Variants in CC2D2A observed in about 807,000 individuals in gnomAD.
The protein encoded by CC2D2A is coiled-coil and C2 domain containing 2A.
Under a neutral mutation model 212.9 loss-of-function variants are expected in CC2D2A, and 155 were observed. The ratio of observed to expected loss-of-function variants is 0.73; its 90% CI spans 0.64 to 0.83. The LOEUF (loss-of-function observed/expected upper bound fraction) is 0.83, where lower values mean the gene tolerates loss of function less well. CC2D2A is among the 40% of genes least tolerant of loss of function. The pLI, the probability that CC2D2A is intolerant of heterozygous loss-of-function variation, is 0.00. For synonymous variants in CC2D2A, 667 were observed against 686.5 expected, an observed-to-expected ratio of 0.97 and a Z score of 0.44; for missense variants, 1,856 against 1,956.2, an observed-to-expected ratio of 0.95 and a Z score of 0.97.
chr4:15,557,685 ATCTC>A (rs1443565503), intron 21 of CC2D2A, among the ~76,000 whole-genome samples, 178 bp downstream of exon 21: 2 of 152,194 alleles, frequency 1.3e-5, no homozygotes, highest in Non-Finnish European at 2.9e-5. Context: ...CATTTAAATA[ATCTC>A]TCTGCCTCAA....
intron 4 of CC2D2A, among the ~76,000 whole-genome samples, chr4:15,488,284 G>GTCTTTATT (rs1267412453): frequency 6.6e-6 from 1 of 152,112 alleles, no homozygotes; most frequent in Non-Finnish European, 1.5e-5. Context: ...GCCTTGAAAA[G>GTCTTTATT]TCTTTATTTC....
chr4:15,521,968 G>A (rs1560163757), intron 11 of CC2D2A, among the ~76,000 whole-genome samples: 1 of 152,142 alleles, frequency 6.6e-6, no homozygotes, highest in Non-Finnish European at 1.5e-5. Flanking sequence ...TGAGGCTAAT[G>A]TGGGAGGTTT....
intron 8 of CC2D2A, among the ~76,000 whole-genome samples, chr4:15,513,649 G>A (rs1466761089): frequency 1.3e-5 from 2 of 152,288 alleles, no homozygotes; most frequent in Non-Finnish European, 2.9e-5. Flanking sequence ...TAGATCCTCT[G>A]TAGCCCCTTT....
At chr4:15,544,540 A>C (rs960221113) in intron 17 of CC2D2A, among the ~76,000 whole-genome samples, 13 of 152,248 alleles carry the variant, frequency 8.5e-5, no homozygotes, top group Admixed American at 8.5e-4. Flanking sequence ...ACTCAGAAAG[A>C]CAGGAGAGAA....
At chr4:15,476,535 G>A (rs1714226199) in intron 2 of CC2D2A, among the ~76,000 whole-genome samples, 1 of 152,222 alleles carries the variant, frequency 6.6e-6, no homozygotes, top group Admixed American at 6.5e-5. Flanking sequence ...GGAGGTGGAT[G>A]TTGAAGGAAA....
chr4:15,517,544 A>G (rs1026825190), intron 11 of CC2D2A, among the ~76,000 whole-genome samples: 3 of 152,102 alleles, frequency 2.0e-5, no homozygotes, highest in African/African-American at 7.2e-5. Flanking sequence ...TTAGTCTCTC[A>G]TGCCTCAATG....
chr4:15,554,864 G>T (rs1264817123), intron 19 of CC2D2A, among the ~76,000 whole-genome samples: 1 of 152,182 alleles, frequency 6.6e-6, no homozygotes, highest in Non-Finnish European at 1.5e-5. Context: ...AGTCATATCT[G>T]CAGTCCTTCC....
intron 18 of CC2D2A, among the ~76,000 whole-genome samples, chr4:15,551,937 T>C (rs576756765): frequency 1.3e-5 from 2 of 152,308 alleles, no homozygotes; most frequent in East Asian, 1.9e-4. Flanking sequence ...AGCTCTGATA[T>C]TGGCAAGCTG....
intron 29 of CC2D2A, among the ~76,000 whole-genome samples, chr4:15,575,035 G>A (rs898720106): frequency 2.6e-5 from 4 of 152,220 alleles, no homozygotes; most frequent in Admixed American, 6.5e-5. Flanking sequence ...AGGCATAAAT[G>A]TGTTAAGAAA....
intron 14 of CC2D2A, among the ~76,000 whole-genome samples, chr4:15,536,296 C>G (rs962852985): frequency 8.2e-6 from 1 of 121,994 alleles, no homozygotes; most frequent in African/African-American, 3.2e-5. Context: ...CATCACACAC[C>G]AGGGCCTGTC....
At chr4:15,549,005 T>C (rs1718858421) in intron 17 of CC2D2A, among the ~76,000 whole-genome samples, 1 of 152,228 alleles carries the variant, frequency 6.6e-6, no homozygotes, top group African/African-American at 2.4e-5. Context: ...TAAGGAATTA[T>C]TATAAAAATG....
At chr4:15,576,888 C>T (rs567129916) in intron 29 of CC2D2A, among the ~76,000 whole-genome samples, 1 of 152,358 alleles carries the variant, frequency 6.6e-6, no homozygotes, top group African/African-American at 2.4e-5. Context: ...TGGGAGCTAG[C>T]TCTACTCTTT....
chr4:15,551,340 A>G (rs1485915160), intron 18 of CC2D2A, among the ~76,000 whole-genome samples: 1 of 152,224 alleles, frequency 6.6e-6, no homozygotes, highest in Non-Finnish European at 1.5e-5. Context: ...AAGCCCAAAA[A>G]GTTTGAAATA....
intron 14 of CC2D2A, 195 bp downstream of exon 14, chr4:15,533,528 C>T (rs1717964716): frequency 2.4e-6 from 1 of 424,758 alleles, no homozygotes; most frequent in Admixed American, 4.5e-5. Context: ...ATAACAACTA[C>T]CTAGACTTTT....
chr4:15,529,339 A>G (rs1355936718), intron 13 of CC2D2A, among the ~76,000 whole-genome samples: 1 of 151,886 alleles, frequency 6.6e-6, no homozygotes, highest in Non-Finnish European at 1.5e-5. Context: ...CTAGGATTGC[A>G]CCATTGCACT....
chr4:15,518,315 T>A (rs974489824), intron 11 of CC2D2A, among the ~76,000 whole-genome samples: 1 of 152,182 alleles, frequency 6.6e-6, no homozygotes, highest in African/African-American at 2.4e-5. Flanking sequence ...GGTAAACATG[T>A]CTCGCATTCC....
At chr4:15,477,257 A>C (rs1365423708) in intron 2 of CC2D2A, among the ~76,000 whole-genome samples, 1 of 151,230 alleles carries the variant, frequency 6.6e-6, no homozygotes, top group African/African-American at 2.4e-5. Context: ...AGCCGAGATC[A>C]TGCCACTGCA....
At chr4:15,569,607 T>C (rs1720065310) in intron 27 of CC2D2A, among the ~76,000 whole-genome samples, 1 of 152,154 alleles carries the variant, frequency 6.6e-6, no homozygotes, top group Non-Finnish European at 1.5e-5. Flanking sequence ...ATAGACAGAA[T>C]AGGGTGTTCT....
chr4:15,530,161 C>T (rs1283078020), intron 13 of CC2D2A, among the ~76,000 whole-genome samples: 1 of 151,926 alleles, frequency 6.6e-6, no homozygotes, highest in Non-Finnish European at 1.5e-5. Flanking sequence ...TTAGTAGAGA[C>T]GGCGTTTCAC....
Sources: allele counts gnomAD v4.1 joint callset (sites outside exome capture counted in the v4.1 genomes callset), GRCh38; gene constraint gnomAD v4.1.1; transcripts MANE v1.5; gene names NCBI Gene and HGNC (gene_info 2026-07-23, HGNC 2026-07-21).